MRTFB: variants seen among roughly 807,000 people sequenced by gnomAD.
MRTFB encodes myocardin-related transcription factor B.
In MRTFB, 29 loss-of-function variants were observed where a neutral mutation model predicts 104.2. The observed-to-expected ratio is 0.28, with a 90% confidence interval of 0.21 to 0.38. The LOEUF is 0.38. Among genes scored for constraint, MRTFB ranks in the 10% least tolerant of loss-of-function variants. The probability of loss-of-function intolerance (pLI) is 1.00; values close to 1 mark genes in which losing one functional copy is unlikely to be tolerated. For missense variants in MRTFB, 1,270 were observed against 1,341.6 expected, an observed-to-expected ratio of 0.95 and a Z score of 0.83; for synonymous variants, 535 against 519.5, an observed-to-expected ratio of 1.03 and a Z score of -0.41.
At chr16:14,054,283 C>A in the MRTFB span, among the ~76,000 whole-genome samples, 1 of 152,248 alleles carries the variant, frequency 6.6e-6, no homozygotes, top group South Asian at 2.1e-4. Context: ...GTGGTGCAAT[C>A]TCAGCTCACT....
intron 3 of MRTFB, 123 bp from the exon 4 acceptor site, chr16:14,210,120 C>T: frequency 3.1e-6 from 2 of 647,358 alleles, no homozygotes; most frequent in South Asian, 5.2e-5. Flanking sequence ...CAGGTAATAT[C>T]CTTCTTTTTA....
chr16:14,017,703 ATATATATATTTT>A, the MRTFB span, among the ~76,000 whole-genome samples: 1 of 31,530 alleles, frequency 3.2e-5, no homozygotes, highest in East Asian at 1.0e-3. Context: ...ATATATATAT[ATATATATATTTT>A]TTTTTTTTTT....
At chr16:14,223,186 T>C (rs1375358597) in intron 8 of MRTFB, among the ~76,000 whole-genome samples, 2 of 152,058 alleles carry the variant, frequency 1.3e-5, no homozygotes, top group African/African-American at 4.8e-5. Context: ...AGTGCATACC[T>C]GTGGTCCCAG....
intron 3 of MRTFB, chr16:14,200,629 G>A (rs2040653709): frequency 6.3e-7 from 1 of 1,577,714 alleles, no homozygotes; most frequent in Non-Finnish European, 8.7e-7. Flanking sequence ...GCCTACGTTG[G>A]TGGAATCACG....
In MRTFB at chr16:14,256,725, C is replaced by G. The variant is rs145187805; in HGVS notation, c.2704-1376C>G. Among the ~76,000 whole-genome samples the G allele has an allele frequency of 8.5e-5, 13 of 152,322 alleles. No homozygotes were observed. In the East Asian group the frequency reaches 2.5e-3, roughly 29 times the overall value. The stretch of plus-strand genomic sequence containing the variant: ...TGAAAGACCCGAAGCCAGAACCACC[C>G]ATCAAAACCATTCCTGACCCACAAA... On this transcript the variant is annotated intron_variant, in intron 15 of 16. Transcript: ENST00000571589.
chr16:14,167,366 T>G (rs986714613), intron 3 of MRTFB, among the ~76,000 whole-genome samples: 1 of 152,170 alleles, frequency 6.6e-6, no homozygotes, highest in Non-Finnish European at 1.5e-5. Context: ...TTTTTTTTCT[T>G]GTAAATTTGT....
chr16:14,176,881 C>T (rs776153793), intron 3 of MRTFB, among the ~76,000 whole-genome samples: 2 of 152,276 alleles, frequency 1.3e-5, no homozygotes, highest in Non-Finnish European at 2.9e-5. Context: ...GTGCTGAGTC[C>T]TTTGATGACA....
intron 8 of MRTFB, among the ~76,000 whole-genome samples, chr16:14,230,271 A>C (rs1223713021): frequency 2.0e-5 from 3 of 152,210 alleles, no homozygotes; most frequent in African/African-American, 7.2e-5. Flanking sequence ...CAAAAGCCAA[A>C]ATTGAGAAAT....
chr16:14,227,695 A>G (rs1485993603), intron 8 of MRTFB, among the ~76,000 whole-genome samples: 1 of 152,062 alleles, frequency 6.6e-6, no homozygotes, highest in African/African-American at 2.4e-5. Flanking sequence ...TATTTTTAGT[A>G]GAGACAGGGT....
At chr16:14,217,024 A>G in intron 6 of MRTFB, 102 bp from the exon 7 acceptor site, 1 of 1,173,528 alleles carries the variant, frequency 8.5e-7, no homozygotes, top group Non-Finnish European at 1.2e-6. Context: ...GAACACAAAA[A>G]TGTGTCTAAA....
chr16:14,069,748 C>T (rs921404193), upstream of MRTFB, among the ~76,000 whole-genome samples: 1 of 152,200 alleles, frequency 6.6e-6, no homozygotes, highest in Non-Finnish European at 1.5e-5. Context: ...TCCTAAGGTG[C>T]TGGGATTACA....
chr16:14,081,927 A>C (rs111995841), intron 2 of MRTFB, among the ~76,000 whole-genome samples: 1 of 152,142 alleles, frequency 6.6e-6, no homozygotes, highest in Non-Finnish European at 1.5e-5. Context: ...AGTTTCTTAC[A>C]TATTTTGGAT....
At chr16:14,114,326 C>A (rs2036426076) in intron 2 of MRTFB, among the ~76,000 whole-genome samples, 1 of 152,174 alleles carries the variant, frequency 6.6e-6, no homozygotes, top group Admixed American at 6.5e-5. Context: ...TAGAACTATT[C>A]ATTTTACCCA....
intron 2 of MRTFB, among the ~76,000 whole-genome samples, chr16:14,110,952 C>A (rs1407491879): frequency 6.6e-6 from 1 of 152,134 alleles, no homozygotes; most frequent in Non-Finnish European, 1.5e-5. Context: ...AAATCATCAA[C>A]CTGCTCTGTG....
intron 15 of MRTFB, among the ~76,000 whole-genome samples, chr16:14,256,990 G>A (rs1238211219): frequency 6.6e-6 from 1 of 152,152 alleles, no homozygotes; most frequent in Non-Finnish European, 1.5e-5. Context: ...TTGAAGAGAT[G>A]CTCAACATCA....
intron 3 of MRTFB, among the ~76,000 whole-genome samples, chr16:14,187,474 A>G (rs1265121151): frequency 6.6e-6 from 1 of 152,236 alleles, no homozygotes; most frequent in Non-Finnish European, 1.5e-5. Context: ...TACTGTTTAA[A>G]ACCAGGAAGG....
chr16:13,999,871 T>A, the MRTFB span, among the ~76,000 whole-genome samples: 1 of 152,168 alleles, frequency 6.6e-6, no homozygotes, highest in African/African-American at 2.4e-5. Context: ...ATAGAAACAT[T>A]GCAATAGGCA....
intron 13 of MRTFB, among the ~76,000 whole-genome samples, chr16:14,249,503 T>C (rs75653985): frequency 0.072 from 10,932 of 152,252 alleles, 1,027 homozygotes; most frequent in African/African-American, 0.22. Context: ...GATCTTGAAA[T>C]ACATTTGTAA....
chr16:14,062,108 T>C, the MRTFB span, among the ~76,000 whole-genome samples: 1 of 150,484 alleles, frequency 6.6e-6, no homozygotes, highest in Non-Finnish European at 1.5e-5. Flanking sequence ...TGTTTTGTTT[T>C]TTGAGATAGG....
Sources: allele counts gnomAD v4.1 joint callset (sites outside exome capture counted in the v4.1 genomes callset), GRCh38; gene constraint gnomAD v4.1.1; transcripts MANE v1.5; gene names NCBI Gene and HGNC (gene_info 2026-07-23, HGNC 2026-07-21).